The following C16orf74 variants were observed in gnomAD, a reference collection of about 807,000 sequenced individuals.
C16orf74 encodes the protein uncharacterized protein C16orf74.
C16orf74 carries 10 observed loss-of-function variants against 6.5 expected under a neutral mutation model. The observed-to-expected ratio is 1.54, with a 90% confidence interval of 0.95 to 2.61. The LOEUF (loss-of-function observed/expected upper bound fraction) is 2.61, where lower values mean the gene tolerates loss of function less well. Ranked by LOEUF, C16orf74 falls within the 30% of genes most tolerant of loss-of-function variation. The pLI is 0.00. For missense variants in C16orf74, 141 were observed against 105.9 expected, an observed-to-expected ratio of 1.33 and a Z score of -1.45; for synonymous variants, 60 against 42.5, an observed-to-expected ratio of 1.41 and a Z score of -1.60.
At chr16:85,749,397 C>T (rs907942367) in intron 1 of C16orf74, among the ~76,000 whole-genome samples, 8 of 152,242 alleles carry the variant, frequency 5.3e-5, no homozygotes, top group Middle Eastern at 3.4e-3. Flanking sequence ...GGAAACCTCC[C>T]GTCTCAGCCT....
At chr16:85,747,252 A>G (rs959519652) in intron 1 of C16orf74, among the ~76,000 whole-genome samples, 1 of 152,178 alleles carries the variant, frequency 6.6e-6, no homozygotes, top group African/African-American at 2.4e-5. Context: ...GGGCTTTGAG[A>G]CCAGCCAGAG....
intron 2 of C16orf74, among the ~76,000 whole-genome samples, chr16:85,715,443 A>T (rs1283277524): frequency 6.6e-6 from 1 of 152,190 alleles, no homozygotes; most frequent in Non-Finnish European, 1.5e-5. Context: ...AGTGGGAGGC[A>T]GGGCCAGGAT....
intron 1 of C16orf74, among the ~76,000 whole-genome samples, chr16:85,748,338 G>A (rs1408255318): frequency 2.0e-5 from 3 of 151,918 alleles, no homozygotes; most frequent in Non-Finnish European, 4.4e-5. Context: ...AGTGGCTCAC[G>A]CCTGTAATTC....
At chr16:85,730,183 G>A (rs753360051) in intron 2 of C16orf74, among the ~76,000 whole-genome samples, 1 of 152,148 alleles carries the variant, frequency 6.6e-6, no homozygotes, top group African/African-American at 2.4e-5. Context: ...AGGGAAGAAC[G>A]TCATACCCAC....
intron 2 of C16orf74, among the ~76,000 whole-genome samples, chr16:85,731,310 T>A (rs2054184898): frequency 6.6e-6 from 1 of 152,260 alleles, no homozygotes; most frequent in Non-Finnish European, 1.5e-5. Flanking sequence ...AGCATTAAAC[T>A]GAGCATGGGG....
intron 2 of C16orf74, among the ~76,000 whole-genome samples, chr16:85,711,517 G>A (rs1354284551): frequency 6.6e-6 from 1 of 151,692 alleles, no homozygotes; most frequent in Non-Finnish European, 1.5e-5. Flanking sequence ...CAGCTACTCG[G>A]GAGGCTGAGG....
chr16:85,710,426 C>T (rs773133735), intron 2 of C16orf74, 119 bp from the exon 3 acceptor site: 102 of 957,284 alleles, frequency 1.1e-4, no homozygotes, highest in Non-Finnish European at 1.4e-4. Context: ...CCTGACGCCT[C>T]GCAGCAAGGA....
At chr16:85,746,086 CCT>C (rs1291362781) in intron 1 of C16orf74, among the ~76,000 whole-genome samples, 1 of 152,156 alleles carries the variant, frequency 6.6e-6, no homozygotes, top group East Asian at 1.9e-4. Flanking sequence ...GTGGCTCATT[CCT>C]GTCATCCCAG....
At chr16:85,735,142 C>A in intron 2 of C16orf74, 48 bp downstream of exon 2, 2 of 1,566,762 alleles carry the variant, frequency 1.3e-6, no homozygotes, top group Non-Finnish European at 8.7e-7. Flanking sequence ...CCCAACCCAG[C>A]ACCCCCTCTG....
chr16:85,745,624 G>C (rs1350635757), intron 1 of C16orf74, among the ~76,000 whole-genome samples: 1 of 150,296 alleles, frequency 6.7e-6, no homozygotes, highest in Non-Finnish European at 1.5e-5. Context: ...CTGCCTACCA[G>C]AGACAGAATC....
intron 1 of C16orf74, among the ~76,000 whole-genome samples, chr16:85,748,120 GTGTGTGTGTATATATATA>G (rs1293259199): frequency 6.4e-5 from 3 of 46,954 alleles, no homozygotes; most frequent in South Asian, 9.7e-4. Flanking sequence ...ATATATATAT[GTGTGTGTGTATATATATA>G]TGTGTGTGTA....
At chr16:85,738,559 G>A (rs866033201) in intron 1 of C16orf74, among the ~76,000 whole-genome samples, 4 of 151,300 alleles carry the variant, frequency 2.6e-5, no homozygotes, top group Non-Finnish European at 4.4e-5. Context: ...TCGAACTCCT[G>A]ACCTCAAGTG....
At chr16:85,746,092 A>G (rs1004355408) in intron 1 of C16orf74, among the ~76,000 whole-genome samples, 15 of 152,162 alleles carry the variant, frequency 9.9e-5, no homozygotes, top group Non-Finnish European at 2.9e-5. Flanking sequence ...CATTCCTGTC[A>G]TCCCAGCACT....
At chr16:85,720,740 C>T (rs1186096698) in intron 2 of C16orf74, among the ~76,000 whole-genome samples, 1 of 147,394 alleles carries the variant, frequency 6.8e-6, no homozygotes, top group Non-Finnish European at 1.5e-5. Context: ...CACACCACGG[C>T]ACCCCAGCCT....
intron 1 of C16orf74, among the ~76,000 whole-genome samples, chr16:85,744,774 G>A (rs1319811814): frequency 2.8e-5 from 4 of 145,302 alleles, no homozygotes; most frequent in East Asian, 4.2e-4. Context: ...AGCTTGCAGT[G>A]AGCCGAGATC....
At chr16:85,745,247 C>T (rs778044648) in intron 1 of C16orf74, among the ~76,000 whole-genome samples, 19 of 151,424 alleles carry the variant, frequency 1.3e-4, no homozygotes, top group Non-Finnish European at 2.1e-4. Flanking sequence ...CTGACTTCCT[C>T]GGCAGAGGTC....
At chr16:85,741,634 C>T (rs951664042) in intron 1 of C16orf74, 6 of 170,496 alleles carry the variant, frequency 3.5e-5, no homozygotes, top group African/African-American at 1.4e-4. Flanking sequence ...CCCTCATTGT[C>T]ATCCTGCTTC....
chr16:85,713,345 C>A (rs1032346302), intron 2 of C16orf74, among the ~76,000 whole-genome samples: 1 of 152,182 alleles, frequency 6.6e-6, no homozygotes, highest in African/African-American at 2.4e-5. Flanking sequence ...AATCTCAGCT[C>A]ACTGCAACCT....
At chr16:85,732,134 C>T (rs920595871) in intron 2 of C16orf74, among the ~76,000 whole-genome samples, 5 of 152,170 alleles carry the variant, frequency 3.3e-5, no homozygotes, top group African/African-American at 1.2e-4. Flanking sequence ...GGAGCTAAGC[C>T]CACAAACCAA....
Sources: gnomAD v4.1 joint callset for allele counts (sites outside exome capture counted in the v4.1 genomes callset) on GRCh38, gnomAD v4.1.1 for gene constraint, MANE v1.5 for transcripts, NCBI Gene and HGNC (gene_info 2026-07-23, HGNC 2026-07-21) for gene names.